The following LSAMP variants were observed in gnomAD, a reference collection of about 807,000 sequenced individuals.
The protein encoded by LSAMP is limbic system-associated membrane protein.
Under a neutral mutation model 38.6 loss-of-function variants are expected in LSAMP, and 7 were observed. The ratio of observed to expected loss-of-function variants is 0.18; its 90% CI spans 0.10 to 0.34. The LOEUF (loss-of-function observed/expected upper bound fraction) is 0.34, where lower values mean the gene tolerates loss of function less well. Ranked by LOEUF, LSAMP falls within the 10% of genes least tolerant of loss-of-function variation. The pLI, the probability that LSAMP is intolerant of heterozygous loss-of-function variation, is 1.00. For synonymous variants in LSAMP, 154 were observed against 166.8 expected (o/e 0.92, Z 0.59); for missense variants, 313 against 420.0 (o/e 0.75, Z 2.23).
chr3:116,144,312 G>C (rs921504885), intron 1 of LSAMP, among the ~76,000 whole-genome samples: 1 of 151,918 alleles, frequency 6.6e-6, no homozygotes, highest in African/African-American at 2.4e-5. Flanking sequence ...CAATGCGAGA[G>C]GATTGCTTGT....
At chr3:116,122,357 T>C (rs1708896196) in intron 1 of LSAMP, among the ~76,000 whole-genome samples, 1 of 152,210 alleles carries the variant, frequency 6.6e-6, no homozygotes, top group Non-Finnish European at 1.5e-5. Flanking sequence ...TGTATTTATT[T>C]ATTTTCTCAA....
chr3:116,064,555 A>G (rs1018522286), intron 2 of LSAMP, among the ~76,000 whole-genome samples: 2 of 151,860 alleles, frequency 1.3e-5, no homozygotes, highest in South Asian at 2.1e-4. Context: ...TAATTTTCTT[A>G]GTGTGAAAAA....
intron 3 of LSAMP, among the ~76,000 whole-genome samples, chr3:115,982,754 C>T (rs974967102): frequency 6.6e-6 from 1 of 152,074 alleles, no homozygotes; most frequent in Non-Finnish European, 1.5e-5. Context: ...CTTTTTATCT[C>T]CATCACTGTC....
At chr3:115,925,132 G>A (rs1937469598) in intron 3 of LSAMP, among the ~76,000 whole-genome samples, 1 of 152,178 alleles carries the variant, frequency 6.6e-6, no homozygotes, top group African/African-American at 2.4e-5. Context: ...GTATGTGTGT[G>A]TTCCTAGGCC....
intron 1 of LSAMP, among the ~76,000 whole-genome samples, chr3:116,354,102 T>C (rs2107769162): frequency 6.6e-6 from 1 of 152,312 alleles, no homozygotes; most frequent in South Asian, 2.1e-4. Context: ...CATGGACTTT[T>C]AATTCTGATC....
intron 1 of LSAMP, among the ~76,000 whole-genome samples, chr3:116,389,442 T>G (rs1371743662): frequency 6.6e-6 from 1 of 152,214 alleles, no homozygotes. Flanking sequence ...ATATCAGTTA[T>G]ATCTCTTAAC....
At chr3:115,918,804 A>C (rs1268531313) in intron 3 of LSAMP, among the ~76,000 whole-genome samples, 2 of 151,244 alleles carry the variant, frequency 1.3e-5, no homozygotes, top group Non-Finnish European at 2.9e-5. Flanking sequence ...GAATGAGTTA[A>C]ATTTGGCCAG....
chr3:116,079,596 C>T (rs925601944), intron 2 of LSAMP, among the ~76,000 whole-genome samples: 16 of 144,256 alleles, frequency 1.1e-4, no homozygotes, highest in Non-Finnish European at 1.5e-4. Flanking sequence ...CAGGCCACTG[C>T]GCTCCAGCCT....
chr3:115,995,897 T>C (rs1242192647), intron 3 of LSAMP, among the ~76,000 whole-genome samples: 1 of 152,042 alleles, frequency 6.6e-6, no homozygotes, highest in Non-Finnish European at 1.5e-5. Flanking sequence ...TATGGGGACA[T>C]GTGAATAAAC....
intron 1 of LSAMP, among the ~76,000 whole-genome samples, chr3:116,428,913 A>T (rs1623237): frequency 0.64 from 97,419 of 151,938 alleles, 32,545 homozygotes; most frequent in East Asian, 0.76. Flanking sequence ...TAACTTTGGG[A>T]TGGGGGTATT....
Position 116,016,163 on chromosome 3 carries a change from G to A in LSAMP, c.514+3352C>T, listed in dbSNP as rs533035413. On this transcript the variant is annotated intron_variant, in intron 3 of 6. Transcript: ENST00000490035. ...TTACAGGCTGAAAAGAATCACCTAC[G>A]GTTTCCATATTTTGAAAGAAATTTT... Among the ~76,000 whole-genome samples the A allele has an allele frequency of 4.2e-4, 64 of 151,926 alleles. 1 individual carries two copies. The highest frequency in any genetic ancestry group is 2.4e-3 in the Admixed American group (36 of 15,232).
intron 3 of LSAMP, among the ~76,000 whole-genome samples, chr3:115,876,134 C>T (rs1277880974): frequency 6.6e-6 from 1 of 151,850 alleles, no homozygotes; most frequent in African/African-American, 2.4e-5. Context: ...TTCATTTTAA[C>T]ACCCTTACTG....
intron 1 of LSAMP, among the ~76,000 whole-genome samples, chr3:116,288,405 C>T (rs1285993386): frequency 2.0e-5 from 3 of 152,184 alleles, no homozygotes; most frequent in Non-Finnish European, 2.9e-5. Context: ...TAGCCAGTGC[C>T]TGCTCCCCCA....
intron 3 of LSAMP, among the ~76,000 whole-genome samples, chr3:115,889,936 T>C (rs1936553116): frequency 6.6e-6 from 1 of 151,924 alleles, no homozygotes; most frequent in Non-Finnish European, 1.5e-5. Context: ...TTTTAGTTAC[T>C]CCCTCAGAAC....
intron 1 of LSAMP, among the ~76,000 whole-genome samples, chr3:116,283,904 G>T (rs555984434): frequency 6.8e-4 from 104 of 152,250 alleles, no homozygotes; most frequent in African/African-American, 2.5e-3. Context: ...TACTTGGGAG[G>T]CTGAGGTAGA....
chr3:116,124,857 T>G (rs1305906352), intron 1 of LSAMP, among the ~76,000 whole-genome samples: 1 of 152,202 alleles, frequency 6.6e-6, no homozygotes, highest in Admixed American at 6.5e-5. Flanking sequence ...ATTTTACACA[T>G]GCAAAGGGTA....
intron 3 of LSAMP, among the ~76,000 whole-genome samples, chr3:115,867,424 T>G (rs1470070025): frequency 6.6e-6 from 1 of 152,188 alleles, no homozygotes; most frequent in Admixed American, 6.6e-5. Context: ...GATGAAAAAG[T>G]TAAGCCCCAC....
At chr3:115,846,223 G>A (rs1935154038) in intron 4 of LSAMP, among the ~76,000 whole-genome samples, 1 of 152,114 alleles carries the variant, frequency 6.6e-6, no homozygotes, top group African/African-American at 2.4e-5. Context: ...GAGGTCCATT[G>A]TTATTCTTTA....
At chr3:116,126,376 A>G (rs1044382394) in intron 1 of LSAMP, among the ~76,000 whole-genome samples, 2 of 152,246 alleles carry the variant, frequency 1.3e-5, no homozygotes, top group African/African-American at 4.8e-5. Flanking sequence ...TGCCCAAAGT[A>G]TATCAATTCC....
Sources: gnomAD v4.1 joint callset for allele counts (sites outside exome capture counted in the v4.1 genomes callset) on GRCh38, gnomAD v4.1.1 for gene constraint, MANE v1.5 for transcripts, NCBI Gene and HGNC (gene_info 2026-07-23, HGNC 2026-07-21) for gene names.